Variants in UNC13D observed in about 807,000 individuals in gnomAD.
The protein encoded by UNC13D is protein unc-13 homolog D.
A neutral mutation model predicts 151.7 loss-of-function variants in UNC13D; 115 were observed. The observed-to-expected ratio is 0.76, with a 90% CI of 0.65 to 0.88. The LOEUF (loss-of-function observed/expected upper bound fraction) is 0.88, where lower values mean the gene tolerates loss of function less well. UNC13D is among the 40% of genes least tolerant of loss of function. UNC13D has a pLI of 0.00. For missense variants in UNC13D, 1,369 were observed against 1,438.7 expected (o/e 0.95, Z 0.78); for synonymous variants, 588 against 612.2 (o/e 0.96, Z 0.58).
chr17:75,827,963 G>A lies in UNC13D; in HGVS notation c.*2C>T, dbSNP rs758491029. 2.7e-5 allele frequency: 44 copies of A among 1,608,166 alleles called. No individual in the cohort carries two copies. Among genetic ancestry groups the A allele is most frequent in the Non-Finnish European group, 2.5e-5 (30 of 1,178,644 alleles). Reference sequence around the variant, plus strand: ...ACCCAGCCCCACCGCAAACCTCTACGGCTACGGTGCCGGCCGCAAGGCATG... The same window carrying A: ...ACCCAGCCCCACCGCAAACCTCTACAGCTACGGTGCCGGCCGCAAGGCATG... On this transcript the variant is annotated 3_prime_UTR_variant, in exon 32 of 32. Coordinates refer to ENST00000207549, the MANE Select transcript of UNC13D (RefSeq NM_199242.3).
rs2143870559 is a variant in UNC13D, at chr17:75,832,779, T to A, written c.2447+187A>T. The A allele has an allele frequency of 3.4e-6, 2 of 593,124 alleles. No homozygotes were observed. Among genetic ancestry groups the A allele is most frequent in the Non-Finnish European group, 6.1e-6 (2 of 325,572 alleles). 36.7% of individuals were successfully genotyped at this position (593,124 alleles called of 1,614,324 possible). ...AGGGAGGTCACCAAAGGGATTCACC[T>A]CCACCCCTCAGAACGGATGCTGAGG... On this transcript the variant is annotated intron_variant, in intron 25 of 31. Coordinates refer to ENST00000207549, the MANE Select transcript of UNC13D (RefSeq NM_199242.3). The surrounding 1 kb of genome is among the most constrained non-coding windows in gnomAD (Gnocchi z 4.3).
At chr17:75,841,442 C>CTTT (rs145752081) in intron 6 of UNC13D, among the ~76,000 whole-genome samples, 29 of 110,400 alleles carry the variant, frequency 2.6e-4, no homozygotes, top group Non-Finnish European at 3.4e-4. Context: ...CGCGCCCAGC[C>CTTT]TTTTTTTTTT....
rs530768337 is a variant in UNC13D at position 75,836,090 on chromosome 17, T to C, written c.1466A>G (p.Lys489Arg). Residue 489 changes from lysine to arginine, a missense_variant, in exon 17 of 32, where the codon AAG (lysine) becomes AGG (arginine). Transcript: ENST00000207549. ...ATCCTGTACCAGGCCCAGCAAGGCC[T>C]TGCCTGCCTCCGGGATGCCCTGCAG... ...PMVQGIPEAG[K>R]ALLGLVQDVI... The C allele has an allele frequency of 6.2e-7, 1 of 1,613,548 alleles. No individual in the cohort carries two copies. The highest frequency in any genetic ancestry group is 1.3e-5 in the African/African-American group (1 of 75,068).
rs10401023 is a variant in UNC13D, at chr17:75,834,602, C to A, written c.2091+16G>T. 571 of 1,613,786 alleles carry A rather than the reference C, an allele frequency of 3.5e-4. 5 individuals carry two copies. In the African/African-American group the frequency reaches 7.1e-3, roughly 20 times the overall value. The stretch of plus-strand genomic sequence containing the variant: ...CCCACACCCAGCTAGACTCCCAGCC[C>A]CAGCTCTGGCCTTACCATGTTGGCT... On this transcript the variant is annotated intron_variant, in intron 22 of 31. Transcript: ENST00000207549.
Position 75,832,700 on chromosome 17 carries a change from G to A in UNC13D, c.2447+266C>T, listed in dbSNP as rs972391374. Reference sequence around the variant, plus strand: ...AGCAGGAAATGGGGAGGCCTGAGAAGTGGCAAGCTCCCCGTCCCTGCAGCG... The same window carrying A: ...AGCAGGAAATGGGGAGGCCTGAGAAATGGCAAGCTCCCCGTCCCTGCAGCG... On this transcript the variant is annotated intron_variant, in intron 25 of 31. Transcript: ENST00000207549. The surrounding 1 kb of genome is among the most constrained non-coding windows in gnomAD (Gnocchi z 4.3). 2 of 414,636 alleles carry A rather than the reference G, an allele frequency of 4.8e-6. No individual in the cohort carries two copies. Among genetic ancestry groups the A allele is most frequent in the Non-Finnish European group, 9.2e-6 (2 of 217,476 alleles). 25.7% of individuals were successfully genotyped at this position (414,636 alleles called of 1,614,324 possible).
In UNC13D at chr17:75,828,817, G is replaced by A. The variant is rs769789829; in HGVS notation, c.3121C>T (p.Arg1041Cys). ...SEEPGEVPQT[R>C]LPLTYPAPNG... is the part of the protein sequence containing the mutation. The stretch of plus-strand genomic sequence containing the variant: ...GGTGCGGGGTACGTGAGGGGCAGGC[G>A]GGTCTGAGGCACCTCACCAGGCTCC... The change falls in exon 31 of 32, where the codon CGC becomes TGC. Residue 1041 changes from arginine to cysteine, a missense_variant. Around this residue, in one of 3 missense-constraint regions of UNC13D, gnomAD observed 807 missense variants for 795.5 expected, o/e 1.01. Coordinates refer to ENST00000207549, the MANE Select transcript of UNC13D (RefSeq NM_199242.3). 15 of 1,561,434 alleles carry A rather than the reference G, an allele frequency of 9.6e-6. 1 individual carries two copies. The South Asian group carries it at 1.0e-4, about 11-fold the overall frequency.
Position 75,834,439 on chromosome 17 carries a change from T to A in UNC13D, c.2184A>T (p.Val728=). ...GCTGCCCCTGCTCCAGCACGGCCCC[T>A]ACCCGCTGCTCCAGGGCCTCCCATG... is the stretch of plus-strand genomic sequence containing the variant. The part of the protein sequence containing the change: ...QLAWEALEQR[V]GAVLEQGQLQ... The change falls in exon 23 of 32, where the codon GTA becomes GTT. Residue 728 remains valine (V), a synonymous_variant. Transcript: ENST00000207549. 3 of 1,566,090 alleles carry A rather than the reference T, an allele frequency of 1.9e-6. No individual in the cohort carries two copies. Among genetic ancestry groups the A allele is most frequent in the Non-Finnish European group, 2.6e-6 (3 of 1,160,554 alleles).
At chr17:75,831,620 A>C in intron 25 of UNC13D, 3 of 500,086 alleles carry the variant, frequency 6.0e-6, no homozygotes, top group African/African-American at 1.9e-5. Flanking sequence ...ATGCACAAAC[A>C]AGGCTGGAGA....
Position 75,835,705 on chromosome 17 carries a change from A to G in UNC13D, c.1669T>C (p.Phe557Leu), listed in dbSNP as rs1354578798. 1.2e-6 allele frequency: 2 copies of G among 1,613,480 alleles called. No individual in the cohort carries two copies. The highest frequency in any genetic ancestry group is 3.3e-5 in the Admixed American group (2 of 60,008). Reference sequence around the variant, plus strand: ...TCCTTGAGGCTGATGTAGAGCTGGAACAGACTCTCGCCCATCTCTGGGGAC... The same window carrying G: ...TCCTTGAGGCTGATGTAGAGCTGGAGCAGACTCTCGCCCATCTCTGGGGAC... ...VVSPEMGESL[F>L]QLYISLKELC... The change falls in exon 19 of 32, where the codon TTC becomes CTC. Residue 557 changes from phenylalanine to leucine, a missense_variant. Transcript: ENST00000207549.
rs147532673 is a variant in UNC13D at position 75,831,279 on chromosome 17, T to G, written c.2517A>C (p.Ser839=). ...LVEAAASQRS[S]SLASNRLKIA... Reference sequence around the variant, plus strand: ...TCTTCAGCCTGTTGGAAGCCAGGGATGAGCTGCGCTGGGAGGCGGCCGCCT... The same window carrying G: ...TCTTCAGCCTGTTGGAAGCCAGGGAGGAGCTGCGCTGGGAGGCGGCCGCCT... The change falls in exon 26 of 32, where the codon TCA becomes TCC. Residue 839 remains serine, a synonymous_variant. Transcript: ENST00000207549. The G allele has an allele frequency of 2.4e-5, 38 of 1,613,834 alleles. No homozygotes were observed. In the African/African-American group the frequency reaches 4.3e-4, roughly 18 times the overall value.
chr17:75,828,924 TC>T lies in UNC13D; in HGVS notation c.3013del (p.Asp1005ThrfsTer24). 1 of 1,607,016 alleles carries T rather than the reference TC, an allele frequency of 6.2e-7. No individual in the cohort carries two copies. The highest frequency in any genetic ancestry group is 8.5e-7 in the Non-Finnish European group (1 of 1,179,788). ...GTCGTCGGCCCCCAGCGTGTCGTAG[TC>T]CAGCACGGTGAGCAGGAGGCATGCC... ...AGACLLLTVL[D>X]YDTLGADDLE... On this transcript the variant is annotated frameshift_variant, in exon 31 of 32. Coordinates refer to ENST00000207549, the MANE Select transcript of UNC13D (RefSeq NM_199242.3). LOFTEE classifies it high-confidence loss of function.
intron 31 of UNC13D, 24 bp downstream of exon 31, chr17:75,828,763 A>G (rs762847068): frequency 1.3e-6 from 2 of 1,512,794 alleles, no homozygotes; most frequent in Non-Finnish European, 1.8e-6. Context: ...TCCCCGCACC[A>G]CCCTGCCCTG....
intron 6 of UNC13D, 131 bp from the exon 7 acceptor site, chr17:75,841,132 T>A: frequency 1.7e-4 from 82 of 493,394 alleles, no homozygotes; most frequent in Non-Finnish European, 2.7e-4. Context: ...CCCAGCCGCA[T>A]CCCTTTTTTT....
Position 75,839,820 on chromosome 17 carries a change from C to A in UNC13D, c.1055+19G>T. ...GGGGGCTGGTGGCTCAGGGGTTCTG[C>A]CCAGGGCTGTGTACTCACGCCATGG... On this transcript the variant is annotated intron_variant, in intron 12 of 31. Coordinates refer to ENST00000207549, the MANE Select transcript of UNC13D (RefSeq NM_199242.3). 6.2e-7 allele frequency: 1 copy of A among 1,612,362 alleles called. No individual in the cohort carries two copies. The highest frequency in any genetic ancestry group is 8.5e-7 in the Non-Finnish European group (1 of 1,179,188).
Position 75,840,874 on chromosome 17 carries a change from C to T in UNC13D, c.615-44G>A, listed in dbSNP as rs1406294526. ...GAGAAGGAAGCAGAGAGAGTGCCTACGACCTCTTCCAGGAGGAGGTTCCGC... is the reference window on the plus strand; with the variant it reads ...GAGAAGGAAGCAGAGAGAGTGCCTATGACCTCTTCCAGGAGGAGGTTCCGC... On this transcript the variant is annotated intron_variant, in intron 7 of 31. Coordinates refer to ENST00000207549, the MANE Select transcript of UNC13D (RefSeq NM_199242.3). This position sits in a 1 kb window ranked among gnomAD's most constrained non-coding sequence, Gnocchi z 4.6. 3.1e-6 allele frequency: 5 copies of T among 1,613,664 alleles called. No individual in the cohort carries two copies. The highest frequency in any genetic ancestry group is 2.2e-5 in the East Asian group (1 of 44,884).
At position 75,833,710 on chromosome 17, in the gene UNC13D, AAT is replaced by A. The variant is rs1421046735; in HGVS notation, c.2367+363_2367+364del. On this transcript the variant is annotated intron_variant, in intron 24 of 31. Transcript: ENST00000207549. The surrounding 1 kb of genome is among the most constrained non-coding windows in gnomAD (Gnocchi z 4.0). The stretch of plus-strand genomic sequence containing the variant: ...CTAATAAATAGTTGGTGAATGAATG[AAT>A]ATCCTTCTACCCGCCAGTCGAAGGT... Among the ~76,000 whole-genome samples, 1 of 152,220 alleles carries A rather than the reference AAT, an allele frequency of 6.6e-6. No homozygotes were observed. Among genetic ancestry groups the A allele is most frequent in the African/African-American group, 2.4e-5 (1 of 41,452 alleles).
chr17:75,841,021 T>G lies in UNC13D; in HGVS notation c.570-20A>C, dbSNP rs1271504515. 1 of 1,613,464 alleles carries G rather than the reference T, an allele frequency of 6.2e-7. No homozygotes were observed. Among genetic ancestry groups the G allele is most frequent in the South Asian group, 1.1e-5 (1 of 91,060 alleles). ...AACTCCCTGTATGGAGAAAAGGGCG[T>G]GGTTGAGGGCCCTGGAGGGTGGATG... On this transcript the variant is annotated intron_variant, in intron 6 of 31. Coordinates refer to ENST00000207549, the MANE Select transcript of UNC13D (RefSeq NM_199242.3).
chr17:75,828,710 C>T, intron 31 of UNC13D, 77 bp downstream of exon 31: 1 of 1,399,342 alleles, frequency 7.1e-7, no homozygotes, highest in Non-Finnish European at 9.3e-7. Flanking sequence ...CCGACCCTGG[C>T]ATCACCTCTC....
intron 3 of UNC13D, 32 bp from the exon 4 acceptor site, chr17:75,843,105 G>GGGCACC: frequency 6.2e-7 from 1 of 1,608,192 alleles, no homozygotes; most frequent in Non-Finnish European, 8.5e-7. Context: ...GGGTGGCTGG[G>GGGCACC]GGCACCAGAC....
Sources: gnomAD v4.1 joint callset for allele counts (sites outside exome capture counted in the v4.1 genomes callset) on GRCh38, gnomAD v4.1.1 for gene constraint, gnomAD v4.1.1 regional missense constraint, Gnocchi (gnomAD v3.1) non-coding constraint, MANE v1.5 for transcripts, NCBI Gene and HGNC (gene_info 2026-07-23, HGNC 2026-07-21) for gene names.